WWOX: variants seen among roughly 807,000 people sequenced by gnomAD.
WWOX encodes WW domain-containing oxidoreductase.
In WWOX, 69 loss-of-function variants were observed where a neutral mutation model predicts 46.2. The observed-to-expected ratio is 1.49, with a 90% CI of 1.23 to 1.82. The LOEUF is 1.82. WWOX is among the 40% of genes most tolerant of loss of function. The pLI is 0.00. For missense variants in WWOX, 919 were observed against 542.6 expected (o/e 1.69, Z -6.89); for synonymous variants, 359 against 202.6 (o/e 1.77, Z -6.56).
Position 78,432,465 on chromosome 16 carries a change from A to G in WWOX, c.792-23A>G, listed in dbSNP as rs574261718. ...TGGGAAGTCAGAACTTGGTTGCTTC[A>G]TGTCATATTTCCTATTTTTAAGATT... On this transcript the variant is annotated intron_variant, in intron 7 of 8. Coordinates refer to ENST00000566780, the MANE Select transcript of WWOX (RefSeq NM_016373.4). The G allele has an allele frequency of 1.1e-5, 17 of 1,604,012 alleles. No homozygotes were observed. The African/African-American group carries it at 1.9e-4, about 18-fold the overall frequency.
chr16:79,170,994 G>A (rs149152798), intron 8 of WWOX, among the ~76,000 whole-genome samples: 1 of 152,292 alleles, frequency 6.6e-6, no homozygotes, highest in East Asian at 1.9e-4. Context: ...AATGTGAGAT[G>A]TTGGGAAATG....
At chr16:78,791,835 G>A (rs748810420) in intron 8 of WWOX, among the ~76,000 whole-genome samples, 2 of 152,060 alleles carry the variant, frequency 1.3e-5, no homozygotes, top group Non-Finnish European at 2.9e-5. Flanking sequence ...AGCCGAGATC[G>A]CGCCACTGCA....
chr16:79,087,676 A>C (rs1382808428), intron 8 of WWOX, among the ~76,000 whole-genome samples: 2 of 152,206 alleles, frequency 1.3e-5, no homozygotes, highest in African/African-American at 4.8e-5. Context: ...AGATCGTTGC[A>C]TTTGTGGTCC....
intron 8 of WWOX, among the ~76,000 whole-genome samples, chr16:78,764,360 A>C (rs1312564722): frequency 2.0e-5 from 3 of 151,310 alleles, no homozygotes; most frequent in Non-Finnish European, 2.9e-5. Context: ...TGAGCTTGAC[A>C]CAGGAGGCCG....
At chr16:78,949,033 G>A (rs932178370) in intron 8 of WWOX, among the ~76,000 whole-genome samples, 1 of 152,148 alleles carries the variant, frequency 6.6e-6, no homozygotes, top group Admixed American at 6.5e-5. Context: ...CAGAAGCTAA[G>A]AACTAGCTCT....
rs113764353 is a variant in WWOX at position 78,432,365 on chromosome 16, C to G, written c.792-123C>G. 2.9e-3 allele frequency: 3,946 copies of G among 1,355,696 alleles called. 98 individuals are homozygous for G. The African/African-American group carries it at 0.051, about 17-fold the overall frequency. The allele number at this position is 1,355,696 out of a possible 1,614,324, so 84.0% of individuals were successfully genotyped here. A position where few individuals can be genotyped will look rare whatever the true frequency, so the allele number is the denominator to read the frequency against. ...AGGTGATCCACTCGTCTAAGACTCCCAAAGTGCTCGGATTACAGATGTGAG... is the reference window on the plus strand; with the variant it reads ...AGGTGATCCACTCGTCTAAGACTCCGAAAGTGCTCGGATTACAGATGTGAG... On this transcript the variant is annotated intron_variant, in intron 7 of 8. Transcript: ENST00000566780.
chr16:78,874,643 T>G (rs1484761763), intron 8 of WWOX, among the ~76,000 whole-genome samples: 1 of 150,924 alleles, frequency 6.6e-6, no homozygotes, highest in Non-Finnish European at 1.5e-5. Flanking sequence ...GGACAAAAAT[T>G]GAAACACCTT....
intron 8 of WWOX, among the ~76,000 whole-genome samples, chr16:78,807,528 A>G (rs1374946633): frequency 1.3e-5 from 2 of 152,216 alleles, no homozygotes; most frequent in Non-Finnish European, 2.9e-5. Context: ...TTCTACATGG[A>G]TTCTAATTAA....
intron 5 of WWOX, among the ~76,000 whole-genome samples, chr16:78,359,411 C>T (rs552631880): frequency 2.0e-5 from 3 of 152,108 alleles, no homozygotes; most frequent in African/African-American, 7.2e-5. Context: ...TATTAACACA[C>T]TAATCATGAG....
chr16:78,339,645 T>G (rs28738927), intron 5 of WWOX, among the ~76,000 whole-genome samples: 26,981 of 118,880 alleles, frequency 0.23, 8,615 homozygotes, highest in African/African-American at 0.38. Flanking sequence ...TGTGTGTATT[T>G]CAGGTTTCAA....
chr16:79,143,286 C>G (rs1415228652), intron 8 of WWOX, among the ~76,000 whole-genome samples: 1 of 152,144 alleles, frequency 6.6e-6, no homozygotes, highest in Non-Finnish European at 1.5e-5. Context: ...CCAAATCTGT[C>G]AGTATATATT....
At chr16:78,426,735 CT>C (rs2083087785) in intron 7 of WWOX, among the ~76,000 whole-genome samples, 7 of 152,246 alleles carry the variant, frequency 4.6e-5, no homozygotes, top group South Asian at 2.1e-4. Context: ...ATGATCTCGG[CT>C]CACCACAACT....
At chr16:78,749,275 C>A (rs538685048) in intron 8 of WWOX, among the ~76,000 whole-genome samples, 9 of 152,074 alleles carry the variant, frequency 5.9e-5, no homozygotes, top group Non-Finnish European at 1.0e-4. Flanking sequence ...GGAAACAGAG[C>A]TCGAGAGAAG....
chr16:78,599,480 C>G (rs189980554), intron 8 of WWOX, among the ~76,000 whole-genome samples: 1 of 152,184 alleles, frequency 6.6e-6, no homozygotes, highest in African/African-American at 2.4e-5. Flanking sequence ...GCCCCTCTGA[C>G]TGGTGTTTTT....
intron 8 of WWOX, among the ~76,000 whole-genome samples, chr16:79,020,184 A>G (rs911263699): frequency 1.3e-5 from 2 of 152,200 alleles, no homozygotes; most frequent in Non-Finnish European, 2.9e-5. Context: ...AAGAAAAGAG[A>G]GGCAGAACAA....
chr16:78,835,675 C>G (rs112580242), intron 8 of WWOX, among the ~76,000 whole-genome samples: 4 of 152,318 alleles, frequency 2.6e-5, no homozygotes, highest in African/African-American at 9.6e-5. Context: ...GAACACACAG[C>G]AGTTCTGAAA....
At chr16:78,808,415 C>G (rs1424909501) in intron 8 of WWOX, among the ~76,000 whole-genome samples, 3 of 152,126 alleles carry the variant, frequency 2.0e-5, no homozygotes, top group Non-Finnish European at 4.4e-5. Context: ...TGGGTAAATG[C>G]TATTGGGATG....
chr16:78,159,952 GTC>G (rs1186119795), intron 4 of WWOX, among the ~76,000 whole-genome samples: 3 of 151,420 alleles, frequency 2.0e-5, no homozygotes, highest in East Asian at 3.9e-4. Context: ...TTCTGTCTCT[GTC>G]TCTCTCTCTG....
At chr16:78,622,368 C>A (rs954884159) in intron 8 of WWOX, among the ~76,000 whole-genome samples, 5 of 152,024 alleles carry the variant, frequency 3.3e-5, no homozygotes, top group Admixed American at 6.5e-5. Context: ...CATGGTAAAA[C>A]CCCACCTCTA....
Sources: allele counts gnomAD v4.1 joint callset (sites outside exome capture counted in the v4.1 genomes callset), GRCh38; gene constraint gnomAD v4.1.1; transcripts MANE v1.5; gene names NCBI Gene and HGNC (gene_info 2026-07-23, HGNC 2026-07-21).